Variants in RCC1 observed in about 807,000 individuals in gnomAD.
RCC1 encodes the protein regulator of chromosome condensation 1, also known as regulator of chromosome condensation.
A neutral mutation model predicts 44.4 loss-of-function variants in RCC1; 11 were observed. The observed-to-expected ratio is 0.25, with a 90% CI of 0.16 to 0.41. The LOEUF (loss-of-function observed/expected upper bound fraction) is 0.41, where lower values mean the gene tolerates loss of function less well. RCC1 is among the 10% of genes least tolerant of loss of function. The pLI, the probability that RCC1 is intolerant of heterozygous loss-of-function variation, is 1.00. For synonymous variants in RCC1, 213 were observed against 216.5 expected, an observed-to-expected ratio of 0.98 and a Z score of 0.14; for missense variants, 386 against 547.1, an observed-to-expected ratio of 0.71 and a Z score of 2.94.
chr1:28,536,990 G>T lies in RCC1; in HGVS notation c.1090+91G>T. ...CAATAGGCTGTGATGTCCACTCTCG[G>T]GGGAGCCGAGGTACAGAGAGCAGTG... On this transcript the variant is annotated intron_variant, in intron 12 of 12. Coordinates refer to ENST00000683442, the MANE Select transcript of RCC1 (RefSeq NM_001381865.2). This position sits in a 1 kb window ranked among gnomAD's most constrained non-coding sequence, Gnocchi z 4.9. The T allele has an allele frequency of 7.1e-7, 1 of 1,411,830 alleles. No homozygotes were observed. Among genetic ancestry groups the T allele is most frequent in the Non-Finnish European group, 9.8e-7 (1 of 1,022,306 alleles). The allele number at this position is 1,411,830 out of a possible 1,614,324, so 87.5% of individuals were successfully genotyped here.
At position 28,538,137 on chromosome 1, in the gene RCC1, T is replaced by C. The variant is rs1664671140; in HGVS notation, c.*130T>C. Reference sequence around the variant, plus strand: ...CTGTGTCAGTTCCTGCCTTTTCTCATCAGCAGAACAGAATCCTTTTCCTCT... The same window carrying C: ...CTGTGTCAGTTCCTGCCTTTTCTCACCAGCAGAACAGAATCCTTTTCCTCT... On this transcript the variant is annotated 3_prime_UTR_variant, in exon 13 of 13. Transcript: ENST00000683442. The C allele has an allele frequency of 6.6e-6, 5 of 754,108 alleles. No homozygotes were observed. The highest frequency in any genetic ancestry group is 6.0e-5 in the Admixed American group (2 of 33,358). The allele number at this position is 754,108 out of a possible 1,614,324, so 46.7% of individuals were successfully genotyped here.
intron 4 of RCC1, among the ~76,000 whole-genome samples, chr1:28,517,788 C>G (rs1258737894): frequency 6.6e-6 from 1 of 152,096 alleles, no homozygotes; most frequent in Non-Finnish European, 1.5e-5. Context: ...GCAAACGTCG[C>G]TTCTCCTAGG....
intron 3 of RCC1, among the ~76,000 whole-genome samples, chr1:28,514,742 CA>C (rs1346998720): frequency 1.1e-4 from 17 of 150,332 alleles, no homozygotes; most frequent in Non-Finnish European, 1.9e-4. Context: ...GCCTGGGCAA[CA>C]AGAGCAAAAC....
At chr1:28,533,676 A>G (rs1333828259) in intron 7 of RCC1, among the ~76,000 whole-genome samples, 2 of 136,662 alleles carry the variant, frequency 1.5e-5, no homozygotes, top group Admixed American at 7.7e-5. Context: ...AGGCTGAGGC[A>G]GGAGAATTGT....
chr1:28,512,516 C>G (rs1424830955), intron 3 of RCC1, among the ~76,000 whole-genome samples: 1 of 152,016 alleles, frequency 6.6e-6, no homozygotes, highest in Non-Finnish European at 1.5e-5. Context: ...TTGTTTTTAT[C>G]TTTATTATTT....
Position 28,535,165 on chromosome 1 carries a change from G to A in RCC1, c.538+19G>A. The A allele has an allele frequency of 6.2e-7, 1 of 1,614,068 alleles. No homozygotes were observed. The highest frequency in any genetic ancestry group is 8.5e-7 in the Non-Finnish European group (1 of 1,179,906). The stretch of plus-strand genomic sequence containing the variant: ...GCCTCAGGTGGGTCTGGGGGCACTT[G>A]CTCAGGGCAGGAGTTGGAGGACCTT... On this transcript the variant is annotated intron_variant, in intron 8 of 12. Coordinates refer to ENST00000683442, the MANE Select transcript of RCC1 (RefSeq NM_001381865.2).
intron 4 of RCC1, among the ~76,000 whole-genome samples, chr1:28,522,023 G>A (rs1304403482): frequency 1.3e-5 from 2 of 152,186 alleles, no homozygotes; most frequent in Admixed American, 1.3e-4. Context: ...CTTCCTGTGA[G>A]GAATAAAAGG....
intron 7 of RCC1, among the ~76,000 whole-genome samples, chr1:28,534,810 A>C (rs1664439179): frequency 6.6e-6 from 1 of 152,208 alleles, no homozygotes; most frequent in Non-Finnish European, 1.5e-5. Flanking sequence ...CTTGCCACAC[A>C]GTTTCAATGA....
intron 3 of RCC1, among the ~76,000 whole-genome samples, chr1:28,511,798 T>A (rs894475174): frequency 1.2e-4 from 18 of 150,594 alleles, no homozygotes; most frequent in Non-Finnish European, 1.5e-4. Context: ...GTAGCTGGGA[T>A]TACAGGCGCA....
At position 28,515,848 on chromosome 1, in the gene RCC1, A is replaced by C. The variant is rs369566534; in HGVS notation, c.-152-877A>C. On this transcript the variant is annotated intron_variant, in intron 3 of 12. Coordinates refer to ENST00000683442, the MANE Select transcript of RCC1 (RefSeq NM_001381865.2). ...GGTCACCTGAGGTCGGGAGTTCCAG[A>C]CCAGCCTGGCAAAAATGGTGAAACC... is the stretch of plus-strand genomic sequence containing the variant. Among the ~76,000 whole-genome samples the C allele has an allele frequency of 1.6e-4, 24 of 151,968 alleles. No individual in the cohort carries two copies. The East Asian group carries it at 4.5e-3, about 28-fold the overall frequency.
intron 4 of RCC1, among the ~76,000 whole-genome samples, chr1:28,524,247 C>CTA (rs1663497253): frequency 6.6e-6 from 1 of 152,248 alleles, no homozygotes; most frequent in Admixed American, 6.5e-5. Context: ...CGTCTCTTCT[C>CTA]TCCTGTTTGT....
intron 3 of RCC1, chr1:28,509,158 T>A (rs374001650): frequency 3.2e-6 from 1 of 315,766 alleles, no homozygotes; most frequent in Non-Finnish European, 6.2e-6. Context: ...GTTTTTGTAC[T>A]AAAGGCTTTG....
At chr1:28,530,548 C>T (rs745575203) in intron 5 of RCC1, 4 of 1,605,740 alleles carry the variant, frequency 2.5e-6, no homozygotes, top group Non-Finnish European at 3.4e-6. Flanking sequence ...CCTCCCGCCG[C>T]GTTCCTGGCG....
At chr1:28,519,979 C>T (rs1394204665) in intron 4 of RCC1, among the ~76,000 whole-genome samples, 1 of 151,888 alleles carries the variant, frequency 6.6e-6, no homozygotes. Context: ...TCAAGCGATT[C>T]TCCTGTCTCA....
chr1:28,528,820 A>T lies in RCC1; in HGVS notation c.-9-1038A>T, dbSNP rs537243801. ...CATTTTTTTTCCAAAAAAAAAAAAA[A>T]TGGATGATAGGCTGTTTTTCTTCCT... On this transcript the variant is annotated intron_variant, in intron 4 of 12. Coordinates refer to ENST00000683442, the MANE Select transcript of RCC1 (RefSeq NM_001381865.2). Among the ~76,000 whole-genome samples the T allele has an allele frequency of 1.2e-4, 18 of 144,106 alleles. No homozygotes were observed. In the East Asian group the frequency reaches 3.6e-3, roughly 29 times the overall value. The allele number at this position is 144,106 out of a possible 152,430, so 94.5% of individuals were successfully genotyped here.
intron 5 of RCC1, 56 bp downstream of exon 5, chr1:28,529,995 C>A: frequency 7.3e-7 from 1 of 1,371,252 alleles, no homozygotes; most frequent in Non-Finnish European, 1.0e-6. Context: ...ACCCTAAGAA[C>A]CCGGGACTGG....
At chr1:28,531,666 CA>C in intron 5 of RCC1, 136 bp from the exon 6 acceptor site, 1 of 613,980 alleles carries the variant, frequency 1.6e-6, no homozygotes, top group East Asian at 3.1e-5. Flanking sequence ...TCACAGATGA[CA>C]AAACTTAGAA....
rs1664683727 is a variant in RCC1 at position 28,538,301 on chromosome 1, C to T, written c.*294C>T. ...CCCCTTTTCCCTACCTTCCATGGTC[C>T]TGGTTGGCCCTGGCTTTGCCTACTA... On this transcript the variant is annotated 3_prime_UTR_variant, in exon 13 of 13. Coordinates refer to ENST00000683442, the MANE Select transcript of RCC1 (RefSeq NM_001381865.2). 4.7e-6 allele frequency: 1 copy of T among 213,980 alleles called. No homozygotes were observed. Among genetic ancestry groups the T allele is most frequent in the Non-Finnish European group, 9.2e-6 (1 of 108,362 alleles). 13.3% of individuals were successfully genotyped at this position (213,980 alleles called of 1,614,324 possible). A position where few individuals can be genotyped will look rare whatever the true frequency, so the allele number is the denominator to read the frequency against.
At chr1:28,535,504 C>G (rs746138684) in intron 9 of RCC1, 124 bp downstream of exon 9, 44 of 1,453,114 alleles carry the variant, frequency 3.0e-5, no homozygotes, top group Non-Finnish European at 3.9e-5. Flanking sequence ...TTGGTTAGGA[C>G]TTTGGAGACA....
Sources: gnomAD v4.1 joint callset for allele counts (sites outside exome capture counted in the v4.1 genomes callset) on GRCh38, gnomAD v4.1.1 for gene constraint, Gnocchi (gnomAD v3.1) non-coding constraint, MANE v1.5 for transcripts, NCBI Gene and HGNC (gene_info 2026-07-23, HGNC 2026-07-21) for gene names.